PTPRK: variants seen among roughly 807,000 people sequenced by gnomAD.
PTPRK encodes the protein receptor-type tyrosine-protein phosphatase kappa.
PTPRK carries 75 observed loss-of-function variants against 178.0 expected under a neutral mutation model. The ratio of observed to expected loss-of-function variants is 0.42; its 90% CI spans 0.35 to 0.51. PTPRK has a LOEUF of 0.51. PTPRK is among the 20% of genes least tolerant of loss of function. PTPRK has a pLI of 0.02. For missense variants in PTPRK, 1,441 were observed against 1,797.8 expected, an observed-to-expected ratio of 0.80 and a Z score of 3.59; for synonymous variants, 637 against 620.6, an observed-to-expected ratio of 1.03 and a Z score of -0.39.
intron 17 of PTPRK, among the ~76,000 whole-genome samples, chr6:127,996,468 T>C (rs1777161177): frequency 6.6e-6 from 1 of 152,124 alleles, no homozygotes; most frequent in Non-Finnish European, 1.5e-5. Flanking sequence ...AATGTTGTTT[T>C]TGTTTGTTGT....
At chr6:128,391,469 G>C (rs184714984) in intron 2 of PTPRK, among the ~76,000 whole-genome samples, 9 of 152,114 alleles carry the variant, frequency 5.9e-5, no homozygotes, top group Non-Finnish European at 1.2e-4. Context: ...AATATTGCAA[G>C]CTAATATTCA....
chr6:128,017,721 C>A (rs2114747278), intron 13 of PTPRK, among the ~76,000 whole-genome samples: 1 of 143,384 alleles, frequency 7.0e-6, no homozygotes, highest in East Asian at 2.0e-4. Flanking sequence ...CCTTCTCTCT[C>A]TCTCTCTCTA....
In PTPRK at chr6:128,270,450, G is replaced by T. The variant is rs74923400; in HGVS notation, c.496-27848C>A. 5.0e-4 allele frequency among the ~76,000 whole-genome samples: 76 copies of T among 152,124 alleles called. No individual in the cohort carries two copies. In the East Asian group the frequency reaches 0.014, roughly 28 times the overall value. ...TGAGTTCTACTGGCTCAAAGGTCAA[G>T]GTATTTTACAATCTATTATACTTCA... is the stretch of plus-strand genomic sequence containing the variant. On this transcript the variant is annotated intron_variant, in intron 3 of 29. Coordinates refer to ENST00000368226, the MANE Select transcript of PTPRK (RefSeq NM_002844.4).
At chr6:128,068,847 G>A (rs1782296344) in intron 11 of PTPRK, among the ~76,000 whole-genome samples, 1 of 151,740 alleles carries the variant, frequency 6.6e-6, no homozygotes, top group African/African-American at 2.4e-5. Context: ...ATGCAGGGCT[G>A]CATATTGATA....
chr6:128,411,722 T>C (rs2128379539), intron 1 of PTPRK, among the ~76,000 whole-genome samples: 1 of 152,320 alleles, frequency 6.6e-6, no homozygotes, highest in Non-Finnish European at 1.5e-5. Flanking sequence ...ATACAAAAAT[T>C]ACTTAACACA....
intron 8 of PTPRK, chr6:128,085,100 G>A (rs1266461330): frequency 1.3e-5 from 2 of 152,166 alleles, no homozygotes; most frequent in Admixed American, 1.3e-4. Flanking sequence ...ATGATACTAT[G>A]ACCTCTGAGA....
chr6:127,976,525 G>A, intron 27 of PTPRK, 132 bp downstream of exon 27: 2 of 1,113,274 alleles, frequency 1.8e-6, no homozygotes, highest in East Asian at 2.5e-5. Context: ...GCATAAGATG[G>A]TTACTAGCTT....
intron 2 of PTPRK, among the ~76,000 whole-genome samples, chr6:128,347,937 TA>T (rs1022140679): frequency 1.3e-5 from 2 of 152,190 alleles, no homozygotes; most frequent in Admixed American, 1.3e-4. Context: ...AAGTTTATTC[TA>T]AGTTCTTGAA....
At chr6:128,323,178 T>C (rs1019288795) in intron 2 of PTPRK, among the ~76,000 whole-genome samples, 3 of 152,098 alleles carry the variant, frequency 2.0e-5, no homozygotes, top group Non-Finnish European at 2.9e-5. Flanking sequence ...AGCTCACATA[T>C]AGACTTTCCA....
chr6:128,430,911 T>A (rs1844754144), intron 1 of PTPRK, among the ~76,000 whole-genome samples: 1 of 151,940 alleles, frequency 6.6e-6, no homozygotes, highest in South Asian at 2.1e-4. Flanking sequence ...GAAATCTTTA[T>A]TAGTCAACGT....
At chr6:128,017,490 A>G (rs1353915945) in intron 13 of PTPRK, among the ~76,000 whole-genome samples, 3 of 151,628 alleles carry the variant, frequency 2.0e-5, no homozygotes, top group Non-Finnish European at 4.4e-5. Flanking sequence ...CATCTCAAAG[A>G]TAATTTACAT....
At chr6:128,132,516 G>C (rs1045207710) in intron 7 of PTPRK, among the ~76,000 whole-genome samples, 2 of 152,000 alleles carry the variant, frequency 1.3e-5, no homozygotes, top group Non-Finnish European at 2.9e-5. Context: ...ATCAGTAATA[G>C]TCTCTTCCTC....
intron 7 of PTPRK, among the ~76,000 whole-genome samples, chr6:128,121,907 T>C (rs990798281): frequency 6.6e-6 from 1 of 152,120 alleles, no homozygotes; most frequent in Non-Finnish European, 1.5e-5. Flanking sequence ...TGAGTCAATA[T>C]AGAATTTTTA....
At chr6:128,509,397 CTTT>C (rs1220231077) in intron 1 of PTPRK, among the ~76,000 whole-genome samples, 6 of 152,164 alleles carry the variant, frequency 3.9e-5, no homozygotes, top group African/African-American at 1.4e-4. Context: ...GCTCATTCTT[CTTT>C]ATTATACCAC....
chr6:128,392,065 G>C (rs530761978), intron 2 of PTPRK, among the ~76,000 whole-genome samples: 140 of 152,126 alleles, frequency 9.2e-4, no homozygotes, highest in Admixed American at 2.7e-3. Context: ...AATGGTCCTG[G>C]AATTATCTGT....
At chr6:128,043,466 G>T (rs1582684924) in intron 13 of PTPRK, among the ~76,000 whole-genome samples, 2 of 151,942 alleles carry the variant, frequency 1.3e-5, no homozygotes, top group African/African-American at 4.8e-5. Flanking sequence ...TTTTGAAAAA[G>T]AAATATGAAA....
At chr6:128,249,318 A>ATTTTTT (rs145237497) in intron 3 of PTPRK, among the ~76,000 whole-genome samples, 1 of 146,840 alleles carries the variant, frequency 6.8e-6, no homozygotes, top group Non-Finnish European at 1.5e-5. Context: ...AAAAAACAGT[A>ATTTTTT]TTTTTTTTTT....
At chr6:128,155,867 C>A (rs1797877172) in intron 7 of PTPRK, among the ~76,000 whole-genome samples, 1 of 151,674 alleles carries the variant, frequency 6.6e-6, no homozygotes, top group East Asian at 1.9e-4. Context: ...GTCATTGCTC[C>A]AAAGAGTCAC....
chr6:128,299,816 G>A lies in PTPRK; in HGVS notation c.495+22223C>T, dbSNP rs190036789. Among the ~76,000 whole-genome samples the A allele has an allele frequency of 1.2e-3, 179 of 152,224 alleles. 1 individual carries two copies. Among genetic ancestry groups the A allele is most frequent in the Middle Eastern group, 0.01 (3 of 294 alleles). The stretch of plus-strand genomic sequence containing the variant: ...CCATTCAGGACATAGGCATGGGAAA[G>A]GACTTCATGTCTAAAACACCAAAAG... On this transcript the variant is annotated intron_variant, in intron 3 of 29. Coordinates refer to ENST00000368226, the MANE Select transcript of PTPRK (RefSeq NM_002844.4).
Sources: gnomAD v4.1 joint callset for allele counts (sites outside exome capture counted in the v4.1 genomes callset) on GRCh38, gnomAD v4.1.1 for gene constraint, MANE v1.5 for transcripts, NCBI Gene and HGNC (gene_info 2026-07-23, HGNC 2026-07-21) for gene names.